The following P4HA1 variants were observed in gnomAD, a reference collection of about 807,000 sequenced individuals.
P4HA1 encodes prolyl 4-hydroxylase subunit alpha 1, also known as prolyl 4-hydroxylase subunit alpha-1.
Under a neutral mutation model 72.8 loss-of-function variants are expected in P4HA1, and 24 were observed. The ratio of observed to expected loss-of-function variants is 0.33; its 90% confidence interval spans 0.24 to 0.46. The LOEUF (loss-of-function observed/expected upper bound fraction) is 0.46, where lower values mean the gene tolerates loss of function less well. Among genes scored for constraint, P4HA1 ranks in the 20% least tolerant of loss-of-function variants. The pLI is 1.00. For missense variants in P4HA1, 446 were observed against 640.6 expected (o/e 0.70, Z 3.28); for synonymous variants, 201 against 218.8 (o/e 0.92, Z 0.72).
At chr10:73,049,128 A>AAAAAAAAAG (rs144626644) in intron 7 of P4HA1, among the ~76,000 whole-genome samples, 23,229 of 150,774 alleles carry the variant, frequency 0.15, 3,014 homozygotes, top group African/African-American at 0.34. Flanking sequence ...GAGAAAAAAA[A>AAAAAAAAAG]AAGAAAATAA....
In P4HA1 at chr10:73,076,725, C is replaced by T. The variant is rs1841705485; in HGVS notation, c.-32-1810G>A. ...CCCTACAAACATGAACTTTGTCTTT[C>T]TTATTACCTTACAGGAGAATAAGTT... On this transcript the variant is annotated intron_variant, in intron 1 of 14. Transcript: ENST00000394890. 2.0e-5 allele frequency among the ~76,000 whole-genome samples: 3 copies of T among 150,292 alleles called. No individual in the cohort carries two copies. The South Asian group carries it at 6.4e-4, about 32-fold the overall frequency.
At chr10:73,031,976 T>C (rs1434721088) in intron 9 of P4HA1, among the ~76,000 whole-genome samples, 2 of 152,208 alleles carry the variant, frequency 1.3e-5, no homozygotes, top group East Asian at 3.8e-4. Flanking sequence ...AAAACAATCC[T>C]GGATCAATCT....
intron 9 of P4HA1, among the ~76,000 whole-genome samples, chr10:73,035,444 G>A (rs1473903032): frequency 6.6e-6 from 1 of 151,948 alleles, no homozygotes; most frequent in African/African-American, 2.4e-5. Flanking sequence ...GATTGCTTGA[G>A]CCCAGGAGTT....
intron 10 of P4HA1, among the ~76,000 whole-genome samples, chr10:73,028,655 G>A (rs1200459884): frequency 1.3e-5 from 2 of 151,906 alleles, no homozygotes; most frequent in African/African-American, 4.8e-5. Flanking sequence ...GGCTGGTCTC[G>A]AACTCCTGAC....
At chr10:73,012,740 G>A (rs1839933214) in intron 12 of P4HA1, among the ~76,000 whole-genome samples, 1 of 151,992 alleles carries the variant, frequency 6.6e-6, no homozygotes, top group Admixed American at 6.6e-5. Context: ...GCTAAGGAAT[G>A]GAAAAAGTGA....
At chr10:73,032,260 T>G (rs1486957644) in intron 9 of P4HA1, among the ~76,000 whole-genome samples, 1 of 152,192 alleles carries the variant, frequency 6.6e-6, no homozygotes, top group Non-Finnish European at 1.5e-5. Flanking sequence ...TTCTTTTCCC[T>G]CTTCAAGCTA....
At chr10:73,096,172 GCA>G (rs1842160590) in intron 1 of P4HA1, among the ~76,000 whole-genome samples, 1 of 152,238 alleles carries the variant, frequency 6.6e-6, no homozygotes, top group Non-Finnish European at 1.5e-5. Flanking sequence ...GCTACGTCTG[GCA>G]GCTAATGCTG....
At position 73,030,357 on chromosome 10, in the gene P4HA1, C is replaced by A; in HGVS notation, c.1162G>T (p.Gly388Cys). 1.3e-6 allele frequency: 2 copies of A among 1,559,124 alleles called. No homozygotes were observed. Among genetic ancestry groups the A allele is most frequent in the Non-Finnish European group, 1.8e-6 (2 of 1,139,998 alleles). Reference sequence around the variant, plus strand: ...CGAGACACCACAGGATTTTCATAGCCAGAGAGCCAGGCACTAAGAATAAGA... The same window carrying A: ...CGAGACACCACAGGATTTTCATAGCAAGAGAGCCAGGCACTAAGAATAAGA... ...YRISKSAWLS[G>C]YENPVVSRIN... The change falls in exon 10 of 15, where the codon GGC becomes TGC. Residue 388 changes from glycine (G) to cysteine (C), a missense_variant. Physicochemically the swap from Gly to Cys is radical, Grantham distance 159. Coordinates refer to ENST00000394890, the MANE Select transcript of P4HA1 (RefSeq NM_001017962.3).
chr10:73,090,735 G>A (rs1190422531), intron 1 of P4HA1, among the ~76,000 whole-genome samples: 2 of 151,950 alleles, frequency 1.3e-5, no homozygotes, highest in African/African-American at 2.4e-5. Flanking sequence ...AGTAAATTGA[G>A]GTCTATTTTC....
intron 1 of P4HA1, among the ~76,000 whole-genome samples, chr10:73,080,695 G>A (rs1002763988): frequency 6.6e-6 from 1 of 152,134 alleles, no homozygotes; most frequent in African/African-American, 2.4e-5. Flanking sequence ...GGCAGAAGCG[G>A]GCAGGCAGAT....
chr10:73,047,710 T>C (rs1002113502), intron 7 of P4HA1, among the ~76,000 whole-genome samples: 1 of 152,140 alleles, frequency 6.6e-6, no homozygotes, highest in Non-Finnish European at 1.5e-5. Flanking sequence ...CAATCATCTA[T>C]GTATTATATT....
intron 4 of P4HA1, among the ~76,000 whole-genome samples, chr10:73,069,804 CTGTTT>C (rs946633263): frequency 2.7e-5 from 4 of 145,476 alleles, no homozygotes; most frequent in African/African-American, 5.6e-5. Flanking sequence ...TTATAATCAA[CTGTTT>C]TGTTTTTTTT....
intron 1 of P4HA1, among the ~76,000 whole-genome samples, chr10:73,086,927 G>C (rs1282405534): frequency 1.0e-5 from 1 of 99,420 alleles, no homozygotes; most frequent in African/African-American, 4.5e-5. Flanking sequence ...GAGTGAGAGT[G>C]CATCTCAAAA....
intron 5 of P4HA1, among the ~76,000 whole-genome samples, chr10:73,062,233 T>C (rs188634490): frequency 6.6e-6 from 1 of 152,302 alleles, no homozygotes; most frequent in East Asian, 1.9e-4. Context: ...ATTACCTTTA[T>C]TTTTGTGTAT....
chr10:73,035,295 C>T (rs1840543735), intron 9 of P4HA1, among the ~76,000 whole-genome samples: 1 of 151,214 alleles, frequency 6.6e-6, no homozygotes, highest in Non-Finnish European at 1.5e-5. Flanking sequence ...GTGGGAGGAT[C>T]GTTTGGGGAT....
chr10:73,034,763 T>G (rs939242103), intron 9 of P4HA1, among the ~76,000 whole-genome samples: 1 of 151,946 alleles, frequency 6.6e-6, no homozygotes, highest in Non-Finnish European at 1.5e-5. Flanking sequence ...GTATTTTTAG[T>G]AGAGACGGGG....
intron 7 of P4HA1, among the ~76,000 whole-genome samples, chr10:73,048,608 T>C (rs1278671311): frequency 6.6e-6 from 1 of 150,540 alleles, no homozygotes; most frequent in African/African-American, 2.5e-5. Context: ...ATGTGTTACA[T>C]TAACAAACCG....
chr10:73,051,589 G>T (rs747488995), intron 6 of P4HA1, among the ~76,000 whole-genome samples: 10 of 152,066 alleles, frequency 6.6e-5, no homozygotes, highest in Admixed American at 6.6e-5. Flanking sequence ...GTGAAACCTC[G>T]TCTCTACTAA....
chr10:73,041,210 T>C (rs777343791), intron 9 of P4HA1, among the ~76,000 whole-genome samples: 13 of 152,110 alleles, frequency 8.5e-5, no homozygotes, highest in Admixed American at 1.3e-4. Context: ...GAAGCAGGTC[T>C]CTCTGACCTT....
Sources: gnomAD v4.1 joint callset for allele counts (sites outside exome capture counted in the v4.1 genomes callset) on GRCh38, gnomAD v4.1.1 for gene constraint, MANE v1.5 for transcripts, NCBI Gene and HGNC (gene_info 2026-07-23, HGNC 2026-07-21) for gene names.